Variants in SH3BP2 observed in about 807,000 individuals in gnomAD.
The protein encoded by SH3BP2 is SH3 domain-binding protein 2.
A neutral mutation model predicts 56.2 loss-of-function variants in SH3BP2; 38 were observed. The observed-to-expected ratio is 0.68, with a 90% confidence interval of 0.52 to 0.89. The LOEUF (loss-of-function observed/expected upper bound fraction) is 0.89, where lower values mean the gene tolerates loss of function less well. SH3BP2 is among the 40% of genes least tolerant of loss of function. The pLI is 0.00. For synonymous variants in SH3BP2, 346 were observed against 316.7 expected (o/e 1.09, Z -0.98); for missense variants, 748 against 762.6 (o/e 0.98, Z 0.23).
chr4:2,833,418 C>T (rs895337197), intron 12 of SH3BP2: 21 of 583,366 alleles, frequency 3.6e-5, no homozygotes, highest in African/African-American at 1.9e-5. Flanking sequence ...GGATTACAGG[C>T]GTGGGCCACC....
chr4:2,811,402 G>T (rs535887173), intron 1 of SH3BP2, among the ~76,000 whole-genome samples: 2 of 152,198 alleles, frequency 1.3e-5, no homozygotes, highest in Non-Finnish European at 2.9e-5. Flanking sequence ...GTGGCCCCAG[G>T]CCCCAGAAAG....
chr4:2,807,589 C>T (rs929041119), intron 1 of SH3BP2, among the ~76,000 whole-genome samples: 1 of 152,150 alleles, frequency 6.6e-6, no homozygotes, highest in Non-Finnish European at 1.5e-5. Context: ...GTTTGGTTTC[C>T]ATGTGGAGGT....
In SH3BP2 at chr4:2,839,516, G is replaced by A. The variant is rs1159648213; in HGVS notation, c.*5682G>A. ...ATAGTCTTGATATTATCCATAATGT[G>A]TATTGCAAATATCTTCTCTAACTCT... On this transcript the variant is annotated 3_prime_UTR_variant, in exon 13 of 13. Transcript: ENST00000503393. 6.6e-6 allele frequency: 1 copy of A among 151,900 alleles called. No individual in the cohort carries two copies. Among genetic ancestry groups the A allele is most frequent in the Non-Finnish European group, 1.5e-5 (1 of 67,986 alleles). The allele number at this position is 151,900 out of a possible 1,614,324, so 9.4% of individuals were successfully genotyped here. A position where few individuals can be genotyped will look rare whatever the true frequency, so the allele number is the denominator to read the frequency against.
chr4:2,833,304 T>G, intron 12 of SH3BP2: 1 of 591,062 alleles, frequency 1.7e-6, no homozygotes, highest in South Asian at 2.0e-5. Flanking sequence ...TTGCTTGTCT[T>G]GTCTTTTTCT....
At chr4:2,823,582 TG>T in intron 3 of SH3BP2, 1 of 454,424 alleles carries the variant, frequency 2.2e-6, no homozygotes, top group Non-Finnish European at 4.4e-6. Flanking sequence ...AGGTGGGCGG[TG>T]GCCAGGTGGC....
chr4:2,801,218 C>T (rs1325909981), intron 1 of SH3BP2, among the ~76,000 whole-genome samples: 1 of 151,602 alleles, frequency 6.6e-6, no homozygotes, highest in Non-Finnish European at 1.5e-5. Context: ...CCCTTGTCCT[C>T]ACTGGGCCTC....
chr4:2,798,903 A>G, intron 1 of SH3BP2: 14 of 862,780 alleles, frequency 1.6e-5, no homozygotes, highest in Non-Finnish European at 2.0e-5. Context: ...AGGGACAGGA[A>G]GTGCAGCCTC....
At position 2,810,321 on chromosome 4, in the gene SH3BP2, C is replaced by T. The variant is rs117432304; in HGVS notation, c.-4-10293C>T. On this transcript the variant is annotated intron_variant, in intron 1 of 12. Coordinates refer to ENST00000503393, the MANE Select transcript of SH3BP2 (RefSeq NM_001122681.2). The surrounding 1 kb of genome is among the most constrained non-coding windows in gnomAD (Gnocchi z 4.2). ...TCCTCTCCTCTGGGCTGGACTCCCC[C>T]TGTAGCATCACAGCATTGGACCAGG... 2.3e-3 allele frequency among the ~76,000 whole-genome samples: 345 copies of T among 151,648 alleles called. 2 individuals are homozygous for T. Among genetic ancestry groups the T allele is most frequent in the East Asian group, 0.013 (67 of 5,062 alleles).
At chr4:2,805,082 C>A (rs1723475792) in intron 1 of SH3BP2, among the ~76,000 whole-genome samples, 1 of 152,216 alleles carries the variant, frequency 6.6e-6, no homozygotes, top group South Asian at 2.1e-4. Context: ...CCTTCACACC[C>A]ACTGTGCCCG....
Position 2,831,824 on chromosome 4 carries a change from T to C in SH3BP2, c.1351-99T>C. On this transcript the variant is annotated intron_variant, in intron 9 of 12. Coordinates refer to ENST00000503393, the MANE Select transcript of SH3BP2 (RefSeq NM_001122681.2). This position sits in a 1 kb window ranked among gnomAD's most constrained non-coding sequence, Gnocchi z 4.1. ...GAGCCTAGGGGGACACAGCACCATG[T>C]AAAGCCCCGGATCCCGGCACCGGGT... 1 of 1,436,350 alleles carries C rather than the reference T, an allele frequency of 7.0e-7. No individual in the cohort carries two copies. The highest frequency in any genetic ancestry group is 9.7e-7 in the Non-Finnish European group (1 of 1,035,550). The allele number at this position is 1,436,350 out of a possible 1,614,324, so 89.0% of individuals were successfully genotyped here.
Position 2,830,019 on chromosome 4 carries a change from A to T in SH3BP2, c.1113A>T (p.Ala371=). 3.1e-6 allele frequency: 5 copies of T among 1,612,982 alleles called. No individual in the cohort carries two copies. Among genetic ancestry groups the T allele is most frequent in the Non-Finnish European group, 4.2e-6 (5 of 1,179,992 alleles). The change falls in exon 8 of 13, where the codon GCA becomes GCT. Residue 371 remains alanine, a synonymous_variant. Coordinates refer to ENST00000503393, the MANE Select transcript of SH3BP2 (RefSeq NM_001122681.2). ...CTGAAGAGGACCCCCCAAGGGAGGC[A>T]GCCATGCCCGGACTCTTTGTGCCCC... is the stretch of plus-strand genomic sequence containing the variant. ...KIAEEDPPRE[A]AMPGLFVPPV...
At position 2,810,218 on chromosome 4, in the gene SH3BP2, C is replaced by G. The variant is rs1379747295; in HGVS notation, c.-4-10396C>G. Among the ~76,000 whole-genome samples the G allele has an allele frequency of 6.6e-6, 1 of 152,024 alleles. No individual in the cohort carries two copies. The highest frequency in any genetic ancestry group is 1.5e-5 in the Non-Finnish European group (1 of 68,010). On this transcript the variant is annotated intron_variant, in intron 1 of 12. Coordinates refer to ENST00000503393, the MANE Select transcript of SH3BP2 (RefSeq NM_001122681.2). The surrounding 1 kb of genome is among the most constrained non-coding windows in gnomAD (Gnocchi z 4.2). ...AGCCCAGGACTCCCAGCTCCAGCTT[C>G]CCTCTGGGAAGATAGGGTTGGGGAA... is the stretch of plus-strand genomic sequence containing the variant.
Position 2,805,437 on chromosome 4 carries a change from G to T in SH3BP2, c.-5+12299G>T, listed in dbSNP as rs79273851. Among the ~76,000 whole-genome samples the T allele has an allele frequency of 2.6e-5, 4 of 152,278 alleles. No individual in the cohort carries two copies. The East Asian group carries it at 7.7e-4, about 29-fold the overall frequency. On this transcript the variant is annotated intron_variant, in intron 1 of 12. Coordinates refer to ENST00000503393, the MANE Select transcript of SH3BP2 (RefSeq NM_001122681.2). ...TGGGGTGCCTGGGGCTGGCCAGATGGTGTAATTCAGCACATGAGCCCATGA... is the reference window on the plus strand; with the variant it reads ...TGGGGTGCCTGGGGCTGGCCAGATGTTGTAATTCAGCACATGAGCCCATGA...
chr4:2,825,044 C>A, intron 4 of SH3BP2, 82 bp from the exon 5 acceptor site: 1 of 1,283,438 alleles, frequency 7.8e-7, no homozygotes, highest in Non-Finnish European at 1.1e-6. Context: ...CACAGCAGAG[C>A]AGGCAGGGCA....
At chr4:2,818,494 C>T (rs1026468933) in intron 1 of SH3BP2, 22 of 608,006 alleles carry the variant, frequency 3.6e-5, no homozygotes, top group Admixed American at 1.7e-4. Flanking sequence ...GAGCCCCGGG[C>T]GCTGCTGGTC....
intron 5 of SH3BP2, 22 bp from the exon 6 acceptor site, chr4:2,827,208 C>T (rs780311277): frequency 6.2e-7 from 1 of 1,609,660 alleles, no homozygotes; most frequent in Non-Finnish European, 8.5e-7. Context: ...CACCGTCCGC[C>T]CCAACGCACC....
rs956936364 is a variant in SH3BP2 at position 2,827,657 on chromosome 4, A to C, written c.569A>C (p.Glu190Ala). The change falls in exon 7 of 13, where the codon GAG (glutamate) becomes GCG (alanine). Residue 190 changes from glutamate (E) to alanine (A), a missense_variant. Glu to Ala is a moderately radical substitution (Grantham distance 107). Around this residue, in one of 3 missense-constraint regions of SH3BP2, gnomAD observed 635 missense variants for 615.0 expected, o/e 1.03. Transcript: ENST00000503393. ...TCCTACCTGGAGCCTGACTCCCCGG[A>C]GCCCGGAAGGCTTGAGGGTAGGTGG... ...DDSYLEPDSP[E>A]PGRLEDALMH... 1.1e-5 allele frequency: 16 copies of C among 1,456,768 alleles called. No individual in the cohort carries two copies. Among genetic ancestry groups the C allele is most frequent in the Non-Finnish European group, 1.4e-5 (15 of 1,062,494 alleles). The allele number at this position is 1,456,768 out of a possible 1,614,324, so 90.2% of individuals were successfully genotyped here. A position where few individuals can be genotyped will look rare whatever the true frequency, so the allele number is the denominator to read the frequency against.
intron 10 of SH3BP2, 125 bp from the exon 11 acceptor site, chr4:2,832,206 G>A (rs765827557): frequency 3.1e-5 from 32 of 1,034,210 alleles, no homozygotes; most frequent in Middle Eastern, 2.0e-4. Flanking sequence ...GCAGCCCGAC[G>A]TGCTCAGCTC....
In SH3BP2 at chr4:2,834,025, G is replaced by T. The variant is rs971035540; in HGVS notation, c.*191G>T. ...GTTGGGTTCTAGGGCTGAACCAGGC[G>T]CCAGGCTCCAGAGGACGAAGGGACT... On this transcript the variant is annotated 3_prime_UTR_variant, in exon 13 of 13. Transcript: ENST00000503393. 1.5e-6 allele frequency: 1 copy of T among 660,434 alleles called. No individual in the cohort carries two copies. The highest frequency in any genetic ancestry group is 2.5e-6 in the Non-Finnish European group (1 of 393,878). 40.9% of individuals were successfully genotyped at this position (660,434 alleles called of 1,614,324 possible).
Sources: allele counts gnomAD v4.1 joint callset (sites outside exome capture counted in the v4.1 genomes callset), GRCh38; gene constraint gnomAD v4.1.1; regional missense constraint gnomAD v4.1.1; non-coding constraint Gnocchi (gnomAD v3.1); transcripts MANE v1.5; gene names NCBI Gene and HGNC (gene_info 2026-07-23, HGNC 2026-07-21).